TERF2: variants seen among roughly 807,000 people sequenced by gnomAD.
TERF2 encodes telomeric repeat-binding factor 2.
In TERF2, 16 loss-of-function variants were observed where a neutral mutation model predicts 56.1. That is an observed-to-expected ratio of 0.29 (90% CI 0.19 to 0.43). The LOEUF is 0.43. Among genes scored for constraint, TERF2 ranks in the 20% least tolerant of loss-of-function variants. The pLI is 1.00. For missense variants in TERF2, 547 were observed against 712.9 expected (o/e 0.77, Z 2.65); for synonymous variants, 296 against 282.1 (o/e 1.05, Z -0.50).
At chr16:69,374,783 T>C (rs999308600) in intron 3 of TERF2, among the ~76,000 whole-genome samples, 1 of 150,108 alleles carries the variant, frequency 6.7e-6, no homozygotes, top group Non-Finnish European at 1.5e-5. Flanking sequence ...CTGGTCAGCA[T>C]GTGAAACCCT....
At chr16:69,364,179 G>A (rs765456404) in intron 7 of TERF2, among the ~76,000 whole-genome samples, 5 of 152,112 alleles carry the variant, frequency 3.3e-5, no homozygotes, top group Non-Finnish European at 7.3e-5. Context: ...TGTGCAAGGT[G>A]CCGTGGGAGA....
chr16:69,383,797 T>G (rs1223119375), intron 3 of TERF2, among the ~76,000 whole-genome samples: 1 of 152,192 alleles, frequency 6.6e-6, no homozygotes, highest in African/African-American at 2.4e-5. Context: ...AGGGGTGCTC[T>G]TTTCTTAACC....
intron 3 of TERF2, among the ~76,000 whole-genome samples, chr16:69,379,007 AG>A: frequency 6.6e-6 from 1 of 152,198 alleles, no homozygotes; most frequent in Admixed American, 6.5e-5. Context: ...AGTTCCCAGA[AG>A]TAAGTATAGT....
At chr16:69,371,009 A>G (rs1199829186) in intron 4 of TERF2, among the ~76,000 whole-genome samples, 1 of 151,842 alleles carries the variant, frequency 6.6e-6, no homozygotes, top group Non-Finnish European at 1.5e-5. Context: ...ACACACACAC[A>G]CACACACACA....
chr16:69,356,821 A>C lies in TERF2; in HGVS notation c.*77T>G. 6.9e-7 allele frequency: 1 copy of C among 1,447,410 alleles called. No homozygotes were observed. Among genetic ancestry groups the C allele is most frequent in the Non-Finnish European group, 9.2e-7 (1 of 1,085,856 alleles). The allele number at this position is 1,447,410 out of a possible 1,614,324, so 89.7% of individuals were successfully genotyped here. ...TCTCAAAAAAAAAAAAAAAAGAAAA[A>C]GAAAGAAAGAGCAGACTATCAGGGG... On this transcript the variant is annotated 3_prime_UTR_variant, in exon 10 of 10. Transcript: ENST00000254942.
Position 69,357,641 on chromosome 16 carries a change from C to T in TERF2, c.1427-80G>A. 3.3e-6 allele frequency: 5 copies of T among 1,527,504 alleles called. No homozygotes were observed. The South Asian group carries it at 4.8e-5, about 15-fold the overall frequency. The allele number at this position is 1,527,504 out of a possible 1,614,324, so 94.6% of individuals were successfully genotyped here. On this transcript the variant is annotated intron_variant, in intron 8 of 9. Coordinates refer to ENST00000254942, the MANE Select transcript of TERF2 (RefSeq NM_005652.5). Reference sequence around the variant, plus strand: ...CACAAGAAAAAGACATGGAATGTCCCCAAAGGGAAAACTTCTTCAAATTTC... The same window carrying T: ...CACAAGAAAAAGACATGGAATGTCCTCAAAGGGAAAACTTCTTCAAATTTC...
chr16:69,382,863 T>C, intron 3 of TERF2, among the ~76,000 whole-genome samples: 1 of 152,296 alleles, frequency 6.6e-6, no homozygotes, highest in African/African-American at 2.4e-5. Context: ...AACTGAAAGA[T>C]AATATTAACT....
intron 3 of TERF2, 69 bp downstream of exon 3, chr16:69,384,511 G>A (rs1249079499): frequency 3.3e-6 from 5 of 1,536,040 alleles, no homozygotes; most frequent in South Asian, 1.2e-5. Context: ...ACAGTAAAGA[G>A]TAAGTGCTGT....
chr16:69,385,307 C>T (rs1412908163), intron 2 of TERF2, 84 bp downstream of exon 2: 7 of 1,219,798 alleles, frequency 5.7e-6, no homozygotes, highest in Admixed American at 5.3e-5. Context: ...GCACTTTAAC[C>T]TGGAATCCTT....
chr16:69,382,303 G>A (rs1223916762), intron 3 of TERF2, among the ~76,000 whole-genome samples: 1 of 152,224 alleles, frequency 6.6e-6, no homozygotes, highest in South Asian at 2.1e-4. Flanking sequence ...CATGAGCAAG[G>A]CTCACTGAAC....
chr16:69,383,197 G>A (rs745897079), intron 3 of TERF2, among the ~76,000 whole-genome samples: 43 of 152,066 alleles, frequency 2.8e-4, no homozygotes, highest in South Asian at 6.2e-4. Flanking sequence ...CTGAAAATCC[G>A]AAATCTGAAA....
chr16:69,385,289 A>T, intron 2 of TERF2, 102 bp downstream of exon 2: 2 of 1,010,244 alleles, frequency 2.0e-6, no homozygotes, highest in Non-Finnish European at 3.0e-6. Context: ...ACTCTGATGG[A>T]AACTATCGCA....
chr16:69,367,326 T>A, intron 6 of TERF2, 127 bp from the exon 7 acceptor site: 1 of 990,836 alleles, frequency 1.0e-6, no homozygotes, highest in Non-Finnish European at 1.4e-6. Flanking sequence ...GATATGTAAG[T>A]TGTATTATGA....
chr16:69,371,827 TAAAC>T lies in TERF2; in HGVS notation c.693+438_693+441del, dbSNP rs538462023. On this transcript the variant is annotated intron_variant, in intron 4 of 9. Transcript: ENST00000254942. ...GAGACTCTGCCTCAAAAAAAATAAA[TAAAC>T]AAATGAATAAAAAGGAAGAAGAAAA... is the stretch of plus-strand genomic sequence containing the variant. Among the ~76,000 whole-genome samples, 39 of 151,466 alleles carry T rather than the reference TAAAC, an allele frequency of 2.6e-4. 1 individual carries two copies. In the South Asian group the frequency reaches 8.2e-3, roughly 32 times the overall value.
At chr16:69,376,115 T>C (rs1439957431) in intron 3 of TERF2, among the ~76,000 whole-genome samples, 5 of 152,234 alleles carry the variant, frequency 3.3e-5, no homozygotes, top group African/African-American at 1.2e-4. Flanking sequence ...TTTAAATTAT[T>C]ATCTAAGATT....
intron 7 of TERF2, chr16:69,366,284 A>C (rs2013342548): frequency 6.5e-6 from 1 of 153,438 alleles, no homozygotes; most frequent in South Asian, 2.0e-4. Context: ...CAAAACTCAA[A>C]GCCAGGATGA....
At chr16:69,357,227 G>A (rs1400615658) in intron 9 of TERF2, among the ~76,000 whole-genome samples, 171 bp from the exon 10 acceptor site, 1 of 152,162 alleles carries the variant, frequency 6.6e-6, no homozygotes, top group African/African-American at 2.4e-5. Context: ...CTGTGGATCT[G>A]GACACAGGAA....
rs2012945539 is a variant in TERF2 at position 69,357,441 on chromosome 16, T to C, written c.1470+77A>G. The C allele has an allele frequency of 2.0e-5, 26 of 1,268,638 alleles. No homozygotes were observed. In the South Asian group the frequency reaches 2.8e-4, roughly 14 times the overall value. 78.6% of individuals were successfully genotyped at this position (1,268,638 alleles called of 1,614,324 possible). A position where few individuals can be genotyped will look rare whatever the true frequency, so the allele number is the denominator to read the frequency against. ...TTTTACTGGGTACATAACCAGTCTA[T>C]ACCTGTGAGACAGGGCGCGTATTTT... On this transcript the variant is annotated intron_variant, in intron 9 of 9. Coordinates refer to ENST00000254942, the MANE Select transcript of TERF2 (RefSeq NM_005652.5).
At chr16:69,357,846 CTTTT>C (rs71383989) in intron 8 of TERF2, among the ~76,000 whole-genome samples, 8 of 121,918 alleles carry the variant, frequency 6.6e-5, no homozygotes, top group Non-Finnish European at 1.0e-4. Flanking sequence ...ACATCGTTTT[CTTTT>C]TTTTTTTTTT....
Sources: gnomAD v4.1 joint callset for allele counts (sites outside exome capture counted in the v4.1 genomes callset) on GRCh38, gnomAD v4.1.1 for gene constraint, MANE v1.5 for transcripts, NCBI Gene and HGNC (gene_info 2026-07-23, HGNC 2026-07-21) for gene names.